The following PTPRC variants were observed in gnomAD, a reference collection of about 807,000 sequenced individuals.
The protein encoded by PTPRC is protein tyrosine phosphatase receptor type C.
PTPRC carries 44 observed loss-of-function variants against 155.9 expected under a neutral mutation model. The ratio of observed to expected loss-of-function variants is 0.28; its 90% CI spans 0.22 to 0.36. The LOEUF (loss-of-function observed/expected upper bound fraction) is 0.36. Ranked by LOEUF, PTPRC falls within the 10% of genes least tolerant of loss-of-function variation. PTPRC has a pLI of 1.00. For synonymous variants in PTPRC, 525 were observed against 533.1 expected (o/e 0.98, Z 0.21); for missense variants, 1,401 against 1,564.6 (o/e 0.90, Z 1.76).
intron 12 of PTPRC, among the ~76,000 whole-genome samples, chr1:198,713,990 A>C (rs558327158): frequency 6.6e-6 from 1 of 152,198 alleles, no homozygotes; most frequent in East Asian, 1.9e-4. Flanking sequence ...TTAAATATGC[A>C]TGTAGTTTTC....
chr1:198,692,534 T>C (rs1207969321), intron 3 of PTPRC, 161 bp downstream of exon 3: 5 of 1,102,304 alleles, frequency 4.5e-6, no homozygotes, highest in Non-Finnish European at 5.9e-6. Flanking sequence ...ACTTTCTGCT[T>C]ATACGTTATA....
intron 2 of PTPRC, among the ~76,000 whole-genome samples, chr1:198,683,305 G>A (rs764014635): frequency 6.6e-5 from 10 of 152,060 alleles, no homozygotes; most frequent in Non-Finnish European, 1.2e-4. Flanking sequence ...CACCACTTAT[G>A]CAAACATCTT....
At chr1:198,738,192 C>T (rs1654736490) in intron 23 of PTPRC, among the ~76,000 whole-genome samples, 1 of 151,374 alleles carries the variant, frequency 6.6e-6, no homozygotes, top group Admixed American at 6.6e-5. Flanking sequence ...TCCAGTTGAA[C>T]AACAGTGGTG....
chr1:198,717,300 T>C (rs1558018949), intron 13 of PTPRC, among the ~76,000 whole-genome samples: 1 of 152,240 alleles, frequency 6.6e-6, no homozygotes, highest in Non-Finnish European at 1.5e-5. Flanking sequence ...CCTCAACTAC[T>C]TACTATTCTA....
At chr1:198,639,996 C>A (rs1195219198) in intron 2 of PTPRC, among the ~76,000 whole-genome samples, 2 of 151,912 alleles carry the variant, frequency 1.3e-5, no homozygotes, top group African/African-American at 4.8e-5. Context: ...GGAGCCACCG[C>A]CCTTCCTGGG....
At chr1:198,734,159 T>A in intron 20 of PTPRC, 37 bp from the exon 21 acceptor site, 1 of 1,597,750 alleles carries the variant, frequency 6.3e-7, no homozygotes, top group Non-Finnish European at 8.6e-7. Context: ...AATTGAATGT[T>A]CAGCAAATGA....
intron 2 of PTPRC, among the ~76,000 whole-genome samples, chr1:198,691,939 G>A (rs936335288): frequency 3.3e-5 from 5 of 151,936 alleles, no homozygotes; most frequent in Non-Finnish European, 7.4e-5. Context: ...TTATATGTTG[G>A]TCATATTATA....
chr1:198,749,694 A>C, intron 28 of PTPRC, 145 bp downstream of exon 28: 1 of 759,868 alleles, frequency 1.3e-6, no homozygotes, highest in South Asian at 1.7e-5. Context: ...TTTCAATTTC[A>C]ATGCTACAAT....
At chr1:198,646,671 C>G (rs1489812258) in intron 2 of PTPRC, among the ~76,000 whole-genome samples, 1 of 151,872 alleles carries the variant, frequency 6.6e-6, no homozygotes, top group Non-Finnish European at 1.5e-5. Flanking sequence ...TCGATTATTT[C>G]TTATCTAGCC....
At chr1:198,703,617 C>T (rs1289508401) in intron 7 of PTPRC, 3 of 620,582 alleles carry the variant, frequency 4.8e-6, no homozygotes, top group Non-Finnish European at 8.3e-6. Flanking sequence ...ACAACCACAT[C>T]TACTAGAACT....
At chr1:198,737,368 A>G (rs917181630) in intron 23 of PTPRC, among the ~76,000 whole-genome samples, 1 of 151,598 alleles carries the variant, frequency 6.6e-6, no homozygotes, top group Non-Finnish European at 1.5e-5. Flanking sequence ...TAATGTTTGT[A>G]TACAGCAAGA....
chr1:198,681,546 T>G (rs1191260878), intron 2 of PTPRC, among the ~76,000 whole-genome samples: 1 of 152,250 alleles, frequency 6.6e-6, no homozygotes, highest in Non-Finnish European at 1.5e-5. Context: ...CTATATTTTA[T>G]CATTTCATTA....
intron 15 of PTPRC, among the ~76,000 whole-genome samples, chr1:198,728,060 G>A (rs561395006): frequency 6.0e-4 from 91 of 152,116 alleles, no homozygotes; most frequent in Non-Finnish European, 1.2e-3. Context: ...AAATTTAAAT[G>A]TGTCTTATGA....
At chr1:198,641,066 T>C (rs1187809524) in intron 2 of PTPRC, among the ~76,000 whole-genome samples, 1 of 152,020 alleles carries the variant, frequency 6.6e-6, no homozygotes, top group Non-Finnish European at 1.5e-5. Context: ...AATAAATGGA[T>C]ATACATAAAT....
chr1:198,748,781 A>G (rs1655250976), intron 27 of PTPRC, among the ~76,000 whole-genome samples: 2 of 151,958 alleles, frequency 1.3e-5, no homozygotes, highest in Admixed American at 1.3e-4. Context: ...ATTAGCATGG[A>G]TAAAATATAA....
intron 2 of PTPRC, among the ~76,000 whole-genome samples, chr1:198,658,989 T>C (rs1220459618): frequency 6.6e-6 from 1 of 152,186 alleles, no homozygotes; most frequent in Non-Finnish European, 1.5e-5. Flanking sequence ...GGCGTTCTGC[T>C]AAGGAAAAGA....
chr1:198,699,000 T>C (rs955622176), intron 4 of PTPRC, among the ~76,000 whole-genome samples: 2 of 152,194 alleles, frequency 1.3e-5, no homozygotes, highest in African/African-American at 4.8e-5. Flanking sequence ...TTTCAAACAC[T>C]AGATATTATC....
chr1:198,638,830 A>T (rs1662400805), upstream of PTPRC: 1 of 157,360 alleles, frequency 6.4e-6, no homozygotes, highest in East Asian at 1.9e-4. Context: ...AATTTAAAAA[A>T]AATGGTAATG....
chr1:198,652,138 A>G (rs1663287097), intron 2 of PTPRC, among the ~76,000 whole-genome samples: 1 of 151,848 alleles, frequency 6.6e-6, no homozygotes, highest in South Asian at 2.1e-4. Flanking sequence ...CTGTGATCTC[A>G]ATAGTGAGAA....
Sources: gnomAD v4.1 joint callset for allele counts (sites outside exome capture counted in the v4.1 genomes callset) on GRCh38, gnomAD v4.1.1 for gene constraint, MANE v1.5 for transcripts, NCBI Gene and HGNC (gene_info 2026-07-23, HGNC 2026-07-21) for gene names.